Variants in SGCD observed in about 807,000 individuals in gnomAD.
SGCD encodes the protein delta-sarcoglycan.
In SGCD, 18 loss-of-function variants were observed where a neutral mutation model predicts 36.6. The ratio of observed to expected loss-of-function variants is 0.49; its 90% CI spans 0.34 to 0.73. The LOEUF (loss-of-function observed/expected upper bound fraction) is 0.73. Ranked by LOEUF, SGCD falls within the 30% of genes least tolerant of loss-of-function variation. SGCD has a pLI of 0.01. For synonymous variants in SGCD, 133 were observed against 130.6 expected (o/e 1.02, Z -0.12); for missense variants, 387 against 346.7 (o/e 1.12, Z -0.92).
At chr5:156,255,592 AT>A (rs1294532275) in intron 3 of SGCD, among the ~76,000 whole-genome samples, 1 of 152,026 alleles carries the variant, frequency 6.6e-6, no homozygotes, top group Non-Finnish European at 1.5e-5. Flanking sequence ...GTTGTGATTA[AT>A]TTGTTTTCTG....
intron 1 of SGCD, among the ~76,000 whole-genome samples, chr5:156,101,637 T>A (rs1761518595): frequency 6.6e-6 from 1 of 152,184 alleles, no homozygotes; most frequent in Non-Finnish European, 1.5e-5. Flanking sequence ...GTAAATGTAC[T>A]TTTATTGCTT....
At chr5:155,942,334 G>GTATCTATCTATCTATCTATCTATCTATC (rs67577711) in intron 1 of SGCD, among the ~76,000 whole-genome samples, 23 of 138,500 alleles carry the variant, frequency 1.7e-4, no homozygotes, top group East Asian at 1.3e-3. Context: ...ATGTATGTAT[G>GTATCTATCTATCTATCTATCTATCTATC]TATCTATCTA....
intron 8 of SGCD, 115 bp downstream of exon 8, chr5:156,757,819 G>A: frequency 7.3e-7 from 1 of 1,374,574 alleles, no homozygotes; most frequent in Non-Finnish European, 9.5e-7. Flanking sequence ...AAGGAGCCAA[G>A]CAGGTTTTAT....
At chr5:155,807,339 C>A in the SGCD span, among the ~76,000 whole-genome samples, 4 of 152,168 alleles carry the variant, frequency 2.6e-5, no homozygotes, top group Admixed American at 6.5e-5. Flanking sequence ...TTCCTTCTTA[C>A]AATAAGTGAG....
At chr5:155,869,864 C>T (rs533222581), upstream of SGCD, among the ~76,000 whole-genome samples, 30 of 151,986 alleles carry the variant, frequency 2.0e-4, no homozygotes, top group Admixed American at 1.4e-3. Context: ...CTGGATGTGG[C>T]GGTGCATGCC....
intron 3 of SGCD, among the ~76,000 whole-genome samples, chr5:156,260,935 T>C (rs1478985521): frequency 6.6e-6 from 1 of 152,154 alleles, no homozygotes; most frequent in African/African-American, 2.4e-5. Flanking sequence ...GGTTATGCTA[T>C]TCTTCATTGT....
intron 1 of SGCD, among the ~76,000 whole-genome samples, chr5:156,017,468 A>AT (rs11394236): frequency 0.018 from 2,708 of 151,484 alleles, 65 homozygotes; most frequent in African/African-American, 0.062. Context: ...GTATAGTTTC[A>AT]TTTTTTTTAC....
rs575851099 is a variant in SGCD, at chr5:156,312,125, C to T, written c.-43-17409C>T. On this transcript the variant is annotated intron_variant, in intron 3 of 9. Coordinates refer to the SGCD transcript ENST00000517913. ...TGCACTTGTTGCATGCCTACACGTA[C>T]CAAAGGTACTCATGTAGGTTAGGTG... 2.6e-5 allele frequency among the ~76,000 whole-genome samples: 4 copies of T among 152,246 alleles called. 1 individual carries two copies. Among genetic ancestry groups the T allele is most frequent in the African/African-American group, 9.6e-5 (4 of 41,548 alleles).
chr5:156,286,511 C>A (rs886598313), intron 3 of SGCD, among the ~76,000 whole-genome samples: 10 of 152,204 alleles, frequency 6.6e-5, no homozygotes, highest in Admixed American at 4.6e-4. Context: ...AGGATGAGTT[C>A]ATGTCCTTTG....
intron 1 of SGCD, among the ~76,000 whole-genome samples, chr5:155,903,415 G>T (rs1312519760): frequency 6.6e-6 from 1 of 152,050 alleles, no homozygotes; most frequent in African/African-American, 2.4e-5. Context: ...TTTCAACAAG[G>T]TCTCTTCATA....
At chr5:156,174,657 A>G (rs1174186246) in intron 3 of SGCD, among the ~76,000 whole-genome samples, 1 of 152,212 alleles carries the variant, frequency 6.6e-6, no homozygotes, top group Non-Finnish European at 1.5e-5. Flanking sequence ...CAGCCACAAT[A>G]TAGGGTTATG....
chr5:156,287,354 G>A (rs1232934129), intron 3 of SGCD, among the ~76,000 whole-genome samples: 1 of 152,102 alleles, frequency 6.6e-6, no homozygotes, highest in Non-Finnish European at 1.5e-5. Flanking sequence ...CTGAGAAATA[G>A]TAAACTAGAG....
intron 7 of SGCD, among the ~76,000 whole-genome samples, chr5:156,722,933 A>G (rs1449851505): frequency 2.0e-5 from 3 of 152,202 alleles, no homozygotes; most frequent in Non-Finnish European, 4.4e-5. Flanking sequence ...TAAAGGTGCA[A>G]TCACTTTCTG....
chr5:155,915,837 C>T (rs553866743), intron 1 of SGCD, among the ~76,000 whole-genome samples: 139 of 152,248 alleles, frequency 9.1e-4, no homozygotes, highest in African/African-American at 3.1e-3. Flanking sequence ...TCACATAGCA[C>T]TTCCAAATGT....
chr5:156,481,249 G>A (rs77370445), intron 3 of SGCD, among the ~76,000 whole-genome samples: 1 of 152,286 alleles, frequency 6.6e-6, no homozygotes, highest in South Asian at 2.1e-4. Context: ...GTGACAAGTA[G>A]ATAAAAAGGC....
At chr5:156,100,168 T>C (rs1267345563) in intron 1 of SGCD, among the ~76,000 whole-genome samples, 1 of 152,162 alleles carries the variant, frequency 6.6e-6, no homozygotes, top group Non-Finnish European at 1.5e-5. Context: ...TTCAGAGTTG[T>C]TCATGTGAGT....
intron 1 of SGCD, among the ~76,000 whole-genome samples, chr5:156,019,688 G>A (rs1010183208): frequency 9.9e-5 from 15 of 152,164 alleles, no homozygotes; most frequent in Non-Finnish European, 2.1e-4. Context: ...AATTCAGAGG[G>A]AAGAACTGGA....
intron 1 of SGCD, among the ~76,000 whole-genome samples, chr5:156,049,170 T>C (rs540358576): frequency 8.9e-5 from 13 of 146,348 alleles, no homozygotes; most frequent in African/African-American, 2.9e-4. Context: ...CTCTGTTCTG[T>C]TCTGTTGGTC....
intron 3 of SGCD, among the ~76,000 whole-genome samples, chr5:156,431,107 A>C (rs984749785): frequency 6.6e-5 from 10 of 152,092 alleles, no homozygotes; most frequent in Non-Finnish European, 1.2e-4. Context: ...CATCAGGGTG[A>C]AGAGGGAGAG....
Sources: gnomAD v4.1 joint callset for allele counts (sites outside exome capture counted in the v4.1 genomes callset) on GRCh38, gnomAD v4.1.1 for gene constraint, MANE v1.5 for transcripts, NCBI Gene and HGNC (gene_info 2026-07-23, HGNC 2026-07-21) for gene names.